HNF4G: variants seen among roughly 807,000 people sequenced by gnomAD.
The protein encoded by HNF4G is hepatocyte nuclear factor 4-gamma.
In HNF4G, 21 loss-of-function variants were observed where a neutral mutation model predicts 50.9. That is an observed-to-expected ratio of 0.41 (90% CI 0.29 to 0.59). The LOEUF (loss-of-function observed/expected upper bound fraction) is 0.59, where lower values mean the gene tolerates loss of function less well. HNF4G is among the 20% of genes least tolerant of loss of function. HNF4G has a pLI of 0.26. For synonymous variants in HNF4G, 198 were observed against 185.6 expected, an observed-to-expected ratio of 1.07 and a Z score of -0.54; for missense variants, 527 against 559.4, an observed-to-expected ratio of 0.94 and a Z score of 0.58.
intron 1 of HNF4G, among the ~76,000 whole-genome samples, chr8:75,541,124 G>A (rs1469047476): frequency 6.6e-6 from 1 of 151,970 alleles, no homozygotes; most frequent in Non-Finnish European, 1.5e-5. Context: ...CTTGACTAGA[G>A]ATATTTAATA....
At chr8:75,562,461 A>T (rs1807341175) in intron 9 of HNF4G, among the ~76,000 whole-genome samples, 1 of 152,080 alleles carries the variant, frequency 6.6e-6, no homozygotes. Context: ...CATTTAACAG[A>T]TAATCAATAG....
At chr8:75,412,719 A>AT (rs547738408) in intron 1 of HNF4G, among the ~76,000 whole-genome samples, 2,685 of 148,836 alleles carry the variant, frequency 0.018, 70 homozygotes, top group African/African-American at 0.06. Flanking sequence ...GTGTTTTAGA[A>AT]TTTTTTTTTT....
At chr8:75,532,008 A>T (rs1806340423) in intron 2 of HNF4G, among the ~76,000 whole-genome samples, 1 of 152,108 alleles carries the variant, frequency 6.6e-6, no homozygotes, top group Admixed American at 6.5e-5. Flanking sequence ...TGCATATCAG[A>T]TAAGATCATC....
At chr8:75,527,171 A>G (rs1245179333) in intron 2 of HNF4G, 2 of 152,128 alleles carry the variant, frequency 1.3e-5, no homozygotes, top group African/African-American at 4.8e-5. Flanking sequence ...CATATTGTTG[A>G]ACTACTATCT....
chr8:75,530,572 G>T (rs1351508548), intron 2 of HNF4G, among the ~76,000 whole-genome samples: 1 of 151,966 alleles, frequency 6.6e-6, no homozygotes, highest in Non-Finnish European at 1.5e-5. Context: ...AAAGATTTAG[G>T]GTAACTTTAG....
chr8:75,478,461 A>AT (rs1015306449), intron 1 of HNF4G, among the ~76,000 whole-genome samples: 13 of 152,026 alleles, frequency 8.6e-5, no homozygotes, highest in African/African-American at 1.2e-4. Context: ...TTTTCAAACA[A>AT]TTTTTTTTCT....
At chr8:75,504,232 C>CACACAT (rs1234458895) in intron 2 of HNF4G, among the ~76,000 whole-genome samples, 2 of 47,906 alleles carry the variant, frequency 4.2e-5, no homozygotes, top group East Asian at 1.6e-3. Context: ...AGCACACAGA[C>CACACAT]ACACACACAC....
chr8:75,422,787 C>T (rs1810803821), intron 1 of HNF4G, among the ~76,000 whole-genome samples: 1 of 152,098 alleles, frequency 6.6e-6, no homozygotes, highest in South Asian at 2.1e-4. Flanking sequence ...GCGCCCGCCA[C>T]CATGCCCCGC....
intron 1 of HNF4G, among the ~76,000 whole-genome samples, chr8:75,436,211 A>G (rs574828248): frequency 6.6e-6 from 1 of 152,208 alleles, no homozygotes; most frequent in Non-Finnish European, 1.5e-5. Context: ...TTAAAATGAC[A>G]GTTTTACTCA....
rs1407869300 is a variant in HNF4G at position 75,455,442 on chromosome 8, A to G, written c.-143-34647A>G. Reference sequence around the variant, plus strand: ...TATCTTTAGTTACACACAGGCCACAATGATAATCAATGTGGTGAGTAATGT... The same window carrying G: ...TATCTTTAGTTACACACAGGCCACAGTGATAATCAATGTGGTGAGTAATGT... On this transcript the variant is annotated intron_variant, in intron 1 of 10. Coordinates refer to the HNF4G transcript ENST00000354370. Among the ~76,000 whole-genome samples, 7 of 152,294 alleles carry G rather than the reference A, an allele frequency of 4.6e-5. No homozygotes were observed. In the South Asian group the frequency reaches 1.2e-3, roughly 27 times the overall value.
At chr8:75,514,354 C>CTTTT (rs36078375) in intron 2 of HNF4G, among the ~76,000 whole-genome samples, 4 of 125,028 alleles carry the variant, frequency 3.2e-5, no homozygotes, top group Admixed American at 8.5e-5. Flanking sequence ...TTTCTTCTTT[C>CTTTT]TTTTTTTTTT....
intron 1 of HNF4G, among the ~76,000 whole-genome samples, chr8:75,416,621 G>C (rs978667627): frequency 1.3e-5 from 2 of 152,122 alleles, no homozygotes; most frequent in African/African-American, 4.8e-5. Flanking sequence ...ACACATTACT[G>C]TATGTTATTT....
At chr8:75,491,930 C>G (rs1183492683) in intron 2 of HNF4G, among the ~76,000 whole-genome samples, 1 of 152,206 alleles carries the variant, frequency 6.6e-6, no homozygotes, top group African/African-American at 2.4e-5. Context: ...TTGCCCCAAA[C>G]AAGTGGTTTT....
chr8:75,557,716 A>C (rs953935199), intron 6 of HNF4G, among the ~76,000 whole-genome samples: 1 of 152,194 alleles, frequency 6.6e-6, no homozygotes, highest in Non-Finnish European at 1.5e-5. Flanking sequence ...AAAAAGAGTG[A>C]GGCTACCATT....
chr8:75,520,628 G>C (rs987324296), intron 2 of HNF4G, among the ~76,000 whole-genome samples: 1 of 151,844 alleles, frequency 6.6e-6, no homozygotes, highest in Non-Finnish European at 1.5e-5. Context: ...TGTAGAGACA[G>C]GGTTTTGCCA....
At chr8:75,490,180 A>G (rs1264303034) in exon 2 of HNF4G, 5 of 152,626 alleles carry the variant, frequency 3.3e-5, no homozygotes, top group Non-Finnish European at 7.3e-5. Context: ...TTCTCTACAA[A>G]TATAGACTCC....
rs61373114 is a variant in HNF4G at position 75,463,862 on chromosome 8, C to T, written c.-143-26227C>T. Among the ~76,000 whole-genome samples the T allele has an allele frequency of 1.4e-3, 207 of 151,512 alleles. 1 individual carries two copies. Among genetic ancestry groups the T allele is most frequent in the African/African-American group, 4.3e-3 (179 of 41,222 alleles). ...TGATCTTGGCTCACCACACTCTCCA[C>T]CTCCTGGGTTCAAGTGATTCTCCTG... On this transcript the variant is annotated intron_variant, in intron 1 of 10. Transcript: ENST00000354370.
chr8:75,490,320 C>T (rs1812594404), intron 2 of HNF4G: 1 of 152,244 alleles, frequency 6.6e-6, no homozygotes, highest in African/African-American at 2.4e-5. Flanking sequence ...TTCGTATATA[C>T]TAAAAGGTCT....
Position 75,564,345 on chromosome 8 carries a change from T to C in HNF4G, c.*249T>C. The C allele has an allele frequency of 2.6e-6, 1 of 377,420 alleles. No homozygotes were observed. The highest frequency in any genetic ancestry group is 4.4e-5 in the Admixed American group (1 of 22,914). 23.4% of individuals were successfully genotyped at this position (377,420 alleles called of 1,614,324 possible). A position where few individuals can be genotyped will look rare whatever the true frequency, so the allele number is the denominator to read the frequency against. ...ATAGGGTATTTTTTCCAACTGCCCCTGCATTGTGCCTGAACCAATTGAATC... is the reference window on the plus strand; with the variant it reads ...ATAGGGTATTTTTTCCAACTGCCCCCGCATTGTGCCTGAACCAATTGAATC... On this transcript the variant is annotated 3_prime_UTR_variant, in exon 10 of 10. Coordinates refer to ENST00000396423, the MANE Select transcript of HNF4G (RefSeq NM_004133.5).
Sources: gnomAD v4.1 joint callset for allele counts (sites outside exome capture counted in the v4.1 genomes callset) on GRCh38, gnomAD v4.1.1 for gene constraint, MANE v1.5 for transcripts, NCBI Gene and HGNC (gene_info 2026-07-23, HGNC 2026-07-21) for gene names.